BRINP1: variants seen among roughly 807,000 people sequenced by gnomAD.
The protein encoded by BRINP1 is BMP/retinoic acid-inducible neural-specific protein 1.
Under a neutral mutation model 72.9 loss-of-function variants are expected in BRINP1, and 17 were observed. That is an observed-to-expected ratio of 0.23 (90% CI 0.16 to 0.35). BRINP1 has a LOEUF of 0.35. Ranked by LOEUF, BRINP1 falls within the 10% of genes least tolerant of loss-of-function variation. The pLI, the probability that BRINP1 is intolerant of heterozygous loss-of-function variation, is 1.00. For missense variants in BRINP1, 850 were observed against 1,001.6 expected, an observed-to-expected ratio of 0.85 and a Z score of 2.04; for synonymous variants, 418 against 378.5, an observed-to-expected ratio of 1.10 and a Z score of -1.21.
chr9:119,270,803 C>T (rs559396615), intron 2 of BRINP1, among the ~76,000 whole-genome samples: 115 of 152,224 alleles, frequency 7.6e-4, no homozygotes, highest in African/African-American at 2.6e-3. Flanking sequence ...ATATTATTGA[C>T]ATTCCCATTC....
intron 2 of BRINP1, among the ~76,000 whole-genome samples, chr9:119,293,719 T>C (rs567513518): frequency 6.6e-6 from 1 of 152,170 alleles, no homozygotes; most frequent in African/African-American, 2.4e-5. Context: ...ATATAGATAG[T>C]ATATTTGAAT....
intron 2 of BRINP1, among the ~76,000 whole-genome samples, chr9:119,308,094 A>T (rs1443739778): frequency 1.3e-5 from 2 of 152,240 alleles, no homozygotes; most frequent in Non-Finnish European, 2.9e-5. Context: ...AGATTTCAAT[A>T]TTAGCAATTA....
intron 6 of BRINP1, among the ~76,000 whole-genome samples, chr9:119,210,523 G>A (rs1293470782): frequency 6.6e-6 from 1 of 152,152 alleles, no homozygotes; most frequent in Non-Finnish European, 1.5e-5. Context: ...AGTTGCCCAA[G>A]GTCAAATGGC....
Position 119,167,475 on chromosome 9 carries a change from T to G in BRINP1, c.1895A>C (p.Glu632Ala), listed in dbSNP as rs776588071. Residue 632 changes from glutamate to alanine, a missense_variant, in exon 8 of 8, where the codon GAG becomes GCG. By Grantham distance (107) the Glu-to-Ala change is moderately radical. Coordinates refer to ENST00000265922, the MANE Select transcript of BRINP1 (RefSeq NM_014618.3). The surrounding 1 kb of genome is among the most constrained non-coding windows in gnomAD (Gnocchi z 4.3). ...RTRLPTLLRN[E>A]TGQGPVDLSD... The stretch of plus-strand genomic sequence containing the variant: ...CAGGTCCACGGGGCCCTGGCCAGTC[T>G]CATTTCGCAGTAGGGTAGGTAGCCG... 3 of 1,614,122 alleles carry G rather than the reference T, an allele frequency of 1.9e-6. No homozygotes were observed. The highest frequency in any genetic ancestry group is 2.5e-6 in the Non-Finnish European group (3 of 1,180,008).
intron 7 of BRINP1, among the ~76,000 whole-genome samples, chr9:119,187,055 G>C (rs886777423): frequency 1.3e-5 from 2 of 151,934 alleles, no homozygotes; most frequent in African/African-American, 4.8e-5. Context: ...TGACACCCAG[G>C]ATCAGAGTCA....
intron 2 of BRINP1, among the ~76,000 whole-genome samples, chr9:119,268,293 T>TAGACAGAC (rs1564233792): frequency 2.2e-5 from 3 of 138,334 alleles, no homozygotes; most frequent in African/African-American, 7.5e-5. Context: ...GATAGATAGA[T>TAGACAGAC]AGATAGATAA....
chr9:119,226,448 C>T (rs1459187476), intron 5 of BRINP1, among the ~76,000 whole-genome samples: 1 of 151,978 alleles, frequency 6.6e-6, no homozygotes, highest in East Asian at 1.9e-4. Flanking sequence ...GGTATAGCCC[C>T]ACATGGCTAC....
chr9:119,263,898 G>A (rs1830521940), intron 2 of BRINP1, among the ~76,000 whole-genome samples: 1 of 152,166 alleles, frequency 6.6e-6, no homozygotes, highest in Admixed American at 6.5e-5. Context: ...GTGAGCCACA[G>A]CGCCCGGCCA....
intron 1 of BRINP1, among the ~76,000 whole-genome samples, chr9:119,336,568 G>A (rs1025924228): frequency 2.6e-5 from 4 of 152,164 alleles, no homozygotes; most frequent in Admixed American, 2.0e-4. Flanking sequence ...GGGAGAGAGA[G>A]TGTGTGCTGG....
At chr9:119,294,585 G>T (rs1280206730) in intron 2 of BRINP1, among the ~76,000 whole-genome samples, 3 of 151,842 alleles carry the variant, frequency 2.0e-5, no homozygotes, top group Non-Finnish European at 2.9e-5. Flanking sequence ...ACACAGAAAG[G>T]CTGGGTGCGG....
At chr9:119,174,151 A>G (rs1012402924) in intron 7 of BRINP1, among the ~76,000 whole-genome samples, 1 of 149,932 alleles carries the variant, frequency 6.7e-6, no homozygotes, top group Non-Finnish European at 1.5e-5. Context: ...CTGCACAGCA[A>G]AAGAAACTAC....
chr9:119,261,690 T>A (rs1213785465), intron 2 of BRINP1, among the ~76,000 whole-genome samples: 1 of 152,198 alleles, frequency 6.6e-6, no homozygotes, highest in East Asian at 1.9e-4. Context: ...ACCAACGTGG[T>A]ATTTCTGCAA....
At chr9:119,263,290 C>T (rs979443480) in intron 2 of BRINP1, among the ~76,000 whole-genome samples, 2 of 152,180 alleles carry the variant, frequency 1.3e-5, no homozygotes, top group Non-Finnish European at 2.9e-5. Flanking sequence ...GACTCTTCTA[C>T]AGAGTGAAAC....
At chr9:119,274,749 A>G (rs1830638587) in intron 2 of BRINP1, among the ~76,000 whole-genome samples, 1 of 152,214 alleles carries the variant, frequency 6.6e-6, no homozygotes, top group African/African-American at 2.4e-5. Flanking sequence ...TGAAGCACAG[A>G]GAAGTTAGTG....
chr9:119,259,973 A>G lies in BRINP1; in HGVS notation c.219-10823T>C, dbSNP rs181897237. Among the ~76,000 whole-genome samples the G allele has an allele frequency of 3.0e-3, 454 of 152,352 alleles. 2 individuals carry two copies. Among genetic ancestry groups the G allele is most frequent in the African/African-American group, 8.6e-3 (359 of 41,584 alleles). ...TTAAGATATTTTAGGATTAGTGAGC[A>G]TGCTGCCATCTCAGAGCCTCCCCCA... On this transcript the variant is annotated intron_variant, in intron 2 of 7. Coordinates refer to ENST00000265922, the MANE Select transcript of BRINP1 (RefSeq NM_014618.3).
intron 2 of BRINP1, among the ~76,000 whole-genome samples, chr9:119,274,687 T>C (rs1309339020): frequency 6.6e-6 from 1 of 151,972 alleles, no homozygotes; most frequent in Non-Finnish European, 1.5e-5. Flanking sequence ...AGAGACAAAA[T>C]AAGAAAATAT....
Position 119,237,723 on chromosome 9 carries a change from G to A in BRINP1, c.685+932C>T, listed in dbSNP as rs1381839019. 1.1e-4 allele frequency among the ~76,000 whole-genome samples: 16 copies of A among 151,836 alleles called. No individual in the cohort carries two copies. In the East Asian group the frequency reaches 2.7e-3, roughly 26 times the overall value. On this transcript the variant is annotated intron_variant, in intron 5 of 7. Coordinates refer to ENST00000265922, the MANE Select transcript of BRINP1 (RefSeq NM_014618.3). ...GTCGCCTAGGCTGGAGTGCAGTGGC[G>A]CAATCTCGGTTCACTGCAATTTCGG...
intron 2 of BRINP1, among the ~76,000 whole-genome samples, chr9:119,287,001 G>A (rs1219447982): frequency 6.6e-6 from 1 of 151,462 alleles, no homozygotes; most frequent in Non-Finnish European, 1.5e-5. Context: ...TCACCAAATA[G>A]TCTAGTTAAT....
chr9:119,342,723 T>C (rs2119025102), intron 1 of BRINP1, among the ~76,000 whole-genome samples: 1 of 152,308 alleles, frequency 6.6e-6, no homozygotes, highest in African/African-American at 2.4e-5. Context: ...TCAATGGCAT[T>C]TGTGATGGCC....
Sources: gnomAD v4.1 joint callset for allele counts (sites outside exome capture counted in the v4.1 genomes callset) on GRCh38, gnomAD v4.1.1 for gene constraint, Gnocchi (gnomAD v3.1) non-coding constraint, MANE v1.5 for transcripts, NCBI Gene and HGNC (gene_info 2026-07-23, HGNC 2026-07-21) for gene names.